Variants in LOC400499 observed in about 807,000 individuals in gnomAD.
chr16:11,497,905 T>A, the LOC400499 span, among the ~76,000 whole-genome samples: 1 of 152,200 alleles, frequency 6.6e-6, no homozygotes, highest in African/African-American at 2.4e-5. Context: ...TACTTACACT[T>A]CAGTTAGAAG....
the LOC400499 span, chr16:11,398,614 G>T: frequency 1.1e-6 from 1 of 907,120 alleles, no homozygotes; most frequent in Non-Finnish European, 1.4e-6. Flanking sequence ...TGCCAGGAAT[G>T]TGCCGTCAGA....
At chr16:11,515,500 TACGTACATACATACATACATAC>T in the LOC400499 span, among the ~76,000 whole-genome samples, 2 of 151,300 alleles carry the variant, frequency 1.3e-5, no homozygotes, top group African/African-American at 4.9e-5. Flanking sequence ...CATACATACG[TACGTACATACATACATACATAC>T]GTACATACAT....
At chr16:11,390,761 G>A in the LOC400499 span, among the ~76,000 whole-genome samples, 1 of 152,148 alleles carries the variant, frequency 6.6e-6, no homozygotes, top group Non-Finnish European at 1.5e-5. Context: ...TTGTACAAAC[G>A]TGGTTTATGC....
chr16:11,460,010 C>A, the LOC400499 span: 1 of 1,497,600 alleles, frequency 6.7e-7, no homozygotes, highest in Non-Finnish European at 8.9e-7. Context: ...TCACCTCCAG[C>A]TGTGAGTGCA....
chr16:11,390,496 C>G, the LOC400499 span: 1 of 1,233,604 alleles, frequency 8.1e-7, no homozygotes, highest in African/African-American at 1.5e-5. Flanking sequence ...ACCATGAGAC[C>G]TCAGGGCAGG....
At chr16:11,403,366 C>A in the LOC400499 span, among the ~76,000 whole-genome samples, 3 of 152,202 alleles carry the variant, frequency 2.0e-5, no homozygotes, top group Non-Finnish European at 4.4e-5. Context: ...CTGTCAACAC[C>A]GTGTGGGGCT....
At chr16:11,509,218 C>T in the LOC400499 span, among the ~76,000 whole-genome samples, 3 of 150,250 alleles carry the variant, frequency 2.0e-5, no homozygotes, top group Admixed American at 6.7e-5. Context: ...CCTGGGTTCA[C>T]GCCGTTCTCC....
the LOC400499 span, among the ~76,000 whole-genome samples, chr16:11,435,506 T>G: frequency 6.6e-6 from 1 of 152,196 alleles, no homozygotes; most frequent in Non-Finnish European, 1.5e-5. Flanking sequence ...CCACCCTCTT[T>G]TCATGCCCTC....
the LOC400499 span, among the ~76,000 whole-genome samples, chr16:11,378,967 G>A: frequency 2.0e-5 from 3 of 152,294 alleles, no homozygotes; most frequent in African/African-American, 7.2e-5. Context: ...ATCCATTATT[G>A]AAAGTGAGGT....
At chr16:11,413,245 C>G in the LOC400499 span, among the ~76,000 whole-genome samples, 1 of 152,078 alleles carries the variant, frequency 6.6e-6, no homozygotes, top group African/African-American at 2.4e-5. Flanking sequence ...ACCTCGAGGC[C>G]AGGAAAGGGT....
chr16:11,398,337 G>C, the LOC400499 span: 47 of 1,232,214 alleles, frequency 3.8e-5, no homozygotes, highest in Non-Finnish European at 4.7e-5. Flanking sequence ...CCTTCTGCAG[G>C]GCAGACTCAC....
the LOC400499 span, among the ~76,000 whole-genome samples, chr16:11,375,882 A>G: frequency 1.3e-5 from 2 of 152,074 alleles, no homozygotes; most frequent in Non-Finnish European, 2.9e-5. Flanking sequence ...CGCATGCACC[A>G]CCATGCCCAG....
chr16:11,423,571 C>T, the LOC400499 span, among the ~76,000 whole-genome samples: 1 of 152,242 alleles, frequency 6.6e-6, no homozygotes, highest in South Asian at 2.1e-4. Context: ...AAGCATCTTG[C>T]ATGTGGTCAC....
At chr16:11,458,687 A>G in the LOC400499 span, among the ~76,000 whole-genome samples, 3 of 152,104 alleles carry the variant, frequency 2.0e-5, no homozygotes, top group Non-Finnish European at 2.9e-5. Context: ...AGTAGTGGTG[A>G]TGGTTGCACA....
the LOC400499 span, chr16:11,469,509 G>A: frequency 1.7e-4 from 68 of 398,948 alleles, no homozygotes; most frequent in East Asian, 2.2e-3. Flanking sequence ...TGACATTACC[G>A]TCCAGCTCGA....
chr16:11,401,490 C>G, the LOC400499 span: 1 of 399,050 alleles, frequency 2.5e-6, no homozygotes, highest in Non-Finnish European at 4.4e-6. Context: ...CCTTCTCCAT[C>G]GAGGTCAAGG....
the LOC400499 span, among the ~76,000 whole-genome samples, chr16:11,423,735 G>A: frequency 1.2e-4 from 18 of 152,324 alleles, 1 homozygote; most frequent in Admixed American, 1.1e-3. Context: ...ACAGCTGCGG[G>A]TGTGAGGCTT....
chr16:11,464,488 C>T, the LOC400499 span, among the ~76,000 whole-genome samples: 1 of 152,240 alleles, frequency 6.6e-6, no homozygotes, highest in Admixed American at 6.5e-5. Flanking sequence ...CCAGGCAACC[C>T]ACGACCCAAC....
At chr16:11,517,417 T>C in the LOC400499 span, among the ~76,000 whole-genome samples, 9 of 152,092 alleles carry the variant, frequency 5.9e-5, no homozygotes, top group Admixed American at 5.2e-4. Context: ...CCCAGGAAGG[T>C]AGAGGGAGTC....
Sources: allele counts gnomAD v4.1 joint callset (sites outside exome capture counted in the v4.1 genomes callset), GRCh38; gene constraint gnomAD v4.1.1; transcripts MANE v1.5.